KLHDC8B: variants seen among roughly 807,000 people sequenced by gnomAD.
KLHDC8B encodes kelch domain containing 8B.
KLHDC8B carries 19 observed loss-of-function variants against 26.3 expected under a neutral mutation model. That is an observed-to-expected ratio of 0.72 (90% confidence interval 0.50 to 1.06). KLHDC8B has a LOEUF of 1.06. KLHDC8B is among the 50% of genes least tolerant of loss of function. The pLI is 0.00. For synonymous variants in KLHDC8B, 150 were observed against 188.4 expected (o/e 0.80, Z 1.67); for missense variants, 411 against 488.1 (o/e 0.84, Z 1.49).
chr3:49,172,067 A>G (rs755983615), intron 1 of KLHDC8B, among the ~76,000 whole-genome samples: 12 of 152,158 alleles, frequency 7.9e-5, no homozygotes, highest in Non-Finnish European at 1.3e-4. Context: ...GAGAGTGTGG[A>G]ACCCTGGTGT....
At position 49,176,043 on chromosome 3, in the gene KLHDC8B, T is replaced by G; in HGVS notation, c.*242T>G. The stretch of plus-strand genomic sequence containing the variant: ...TCATGAATCATGCCTAGCTCCATCC[T>G]TGCCCTGGGACCTACTAGGCCTTCC... On this transcript the variant is annotated 3_prime_UTR_variant, in exon 6 of 6. Coordinates refer to ENST00000332780, the MANE Select transcript of KLHDC8B (RefSeq NM_173546.3). 7.7e-6 allele frequency: 4 copies of G among 518,832 alleles called. No individual in the cohort carries two copies. The highest frequency in any genetic ancestry group is 1.9e-5 in the African/African-American group (1 of 51,398). 32.1% of individuals were successfully genotyped at this position (518,832 alleles called of 1,614,324 possible).
In KLHDC8B at chr3:49,172,742, G is replaced by A. The variant is rs768753340; in HGVS notation, c.-28G>A. ...GTGAGGCCTACAGTCTGAGCAGACA[G>A]CATGGCCTGCCACTGGCAGTGAACA... On this transcript the variant is annotated 5_prime_UTR_variant, in exon 2 of 6. Coordinates refer to ENST00000332780, the MANE Select transcript of KLHDC8B (RefSeq NM_173546.3). 1 of 1,594,776 alleles carries A rather than the reference G, an allele frequency of 6.3e-7. No individual in the cohort carries two copies. The highest frequency in any genetic ancestry group is 1.7e-5 in the Admixed American group (1 of 59,322).
At position 49,176,104 on chromosome 3, in the gene KLHDC8B, T is replaced by G; in HGVS notation, c.*303T>G. On this transcript the variant is annotated 3_prime_UTR_variant, in exon 6 of 6. Coordinates refer to ENST00000332780, the MANE Select transcript of KLHDC8B (RefSeq NM_173546.3). ...GAAATGGGGAGAAGCAAAGCTGGCC[T>G]CATGCTCTTCAGGGTCAGTTCCTAT... 5.2e-6 allele frequency: 2 copies of G among 382,652 alleles called. No individual in the cohort carries two copies. The highest frequency in any genetic ancestry group is 9.5e-6 in the Non-Finnish European group (2 of 210,690). The allele number at this position is 382,652 out of a possible 1,614,324, so 23.7% of individuals were successfully genotyped here.
intron 2 of KLHDC8B, 25 bp downstream of exon 2, chr3:49,173,170 C>T: frequency 6.5e-7 from 1 of 1,545,196 alleles, no homozygotes; most frequent in Non-Finnish European, 8.7e-7. Flanking sequence ...AAGGAAGGCA[C>T]TTCAGGTACC....
rs970245676 is a variant in KLHDC8B, at chr3:49,176,322, A to T, written c.*521A>T. On this transcript the variant is annotated 3_prime_UTR_variant, in exon 6 of 6. Transcript: ENST00000332780. ...GGAATGCTGGCTTTGAGCCCTCTACACTGCTGGTTGTATGACCTTGGACAA... is the reference window on the plus strand; with the variant it reads ...GGAATGCTGGCTTTGAGCCCTCTACTCTGCTGGTTGTATGACCTTGGACAA... 2 of 155,548 alleles carry T rather than the reference A, an allele frequency of 1.3e-5. No homozygotes were observed. The allele number at this position is 155,548 out of a possible 1,614,324, so 9.6% of individuals were successfully genotyped here. A position where few individuals can be genotyped will look rare whatever the true frequency, so the allele number is the denominator to read the frequency against.
At position 49,172,777 on chromosome 3, in the gene KLHDC8B, C is replaced by T. The variant is rs376554410; in HGVS notation, c.8C>T (p.Ala3Val). 2 of 1,611,690 alleles carry T rather than the reference C, an allele frequency of 1.2e-6. No homozygotes were observed. The highest frequency in any genetic ancestry group is 1.7e-6 in the Non-Finnish European group (2 of 1,178,800). MS[A>V]GGGRAFAWQV... ...CCACTGGCAGTGAACACCATGTCTG[C>T]AGGAGGTGGCCGGGCCTTTGCTTGG... The change falls in exon 2 of 6, where the codon GCA becomes GTA. Residue 3 changes from alanine to valine, a missense_variant. Coordinates refer to ENST00000332780, the MANE Select transcript of KLHDC8B (RefSeq NM_173546.3).
chr3:49,171,649 C>T lies in KLHDC8B; in HGVS notation c.-171C>T, dbSNP rs963865413. On this transcript the variant is annotated 5_prime_UTR_variant, in exon 1 of 6. Coordinates refer to ENST00000332780, the MANE Select transcript of KLHDC8B (RefSeq NM_173546.3). The stretch of plus-strand genomic sequence containing the variant: ...TCCCGCGTCAACGGAGGCGGAACGG[C>T]GGACCCCGTACCCTGGCAGCATCGG... The T allele has an allele frequency of 6.6e-6, 1 of 152,520 alleles. No individual in the cohort carries two copies. The highest frequency in any genetic ancestry group is 1.5e-5 in the Non-Finnish European group (1 of 68,170). The allele number at this position is 152,520 out of a possible 1,614,324, so 9.4% of individuals were successfully genotyped here.
At chr3:49,173,853 C>T (rs1441908327) in intron 2 of KLHDC8B, among the ~76,000 whole-genome samples, 4 of 152,160 alleles carry the variant, frequency 2.6e-5, no homozygotes. Flanking sequence ...TAAGCAGATC[C>T]CCATGTTTCT....
At position 49,175,715 on chromosome 3, in the gene KLHDC8B, G is replaced by A; in HGVS notation, c.979G>A (p.Ala327Thr). The A allele has an allele frequency of 6.2e-7, 1 of 1,613,946 alleles. No individual in the cohort carries two copies. The highest frequency in any genetic ancestry group is 8.5e-7 in the Non-Finnish European group (1 of 1,179,968). Residue 327 changes from alanine to threonine, a missense_variant, in exon 6 of 6, where the codon GCT becomes ACT. Ala to Thr is a moderately conservative substitution (Grantham distance 58). Coordinates refer to ENST00000332780, the MANE Select transcript of KLHDC8B (RefSeq NM_173546.3). ...TARCSCSSLQ[A>T]GPRLFVIGGV... ...CCGCTGCTCCTGCTCTAGTCTGCAG[G>A]CTGGGCCCCGGCTGTTTGTTATTGG...
In KLHDC8B at chr3:49,174,877, G is replaced by T. The variant is rs1437416167; in HGVS notation, c.677G>T (p.Ser226Ile). The T allele has an allele frequency of 6.2e-7, 1 of 1,614,178 alleles. No homozygotes were observed. The highest frequency in any genetic ancestry group is 8.5e-7 in the Non-Finnish European group (1 of 1,180,050). The change falls in exon 4 of 6, where the codon AGC becomes ATC. Residue 226 changes from serine (S) to isoleucine (I), a missense_variant. Coordinates refer to ENST00000332780, the MANE Select transcript of KLHDC8B (RefSeq NM_173546.3). ...GCAMAEGSVF[S>I]LGGLQQPGPH... is the part of the protein sequence containing the mutation. ...GCCATGGCTGAAGGCAGCGTCTTTAGCCTGGGTGGCCTGCAGCAGCCTGGG... is the reference window on the plus strand; with the variant it reads ...GCCATGGCTGAAGGCAGCGTCTTTATCCTGGGTGGCCTGCAGCAGCCTGGG...
chr3:49,173,606 A>G (rs1352235186), intron 2 of KLHDC8B, among the ~76,000 whole-genome samples: 6 of 152,198 alleles, frequency 3.9e-5, no homozygotes, highest in Non-Finnish European at 5.9e-5. Context: ...GGAAGCCCCC[A>G]GCTGACTGGC....
chr3:49,175,804 G>T lies in KLHDC8B; in HGVS notation c.*3G>T, dbSNP rs777531678. ...TGTGTCTGCGTGATGGGGTCTGAAG[G>T]CTTGGTGGGAGCTGTCCACTGGAGC... On this transcript the variant is annotated 3_prime_UTR_variant, in exon 6 of 6. Transcript: ENST00000332780. 2 of 1,613,794 alleles carry T rather than the reference G, an allele frequency of 1.2e-6. No individual in the cohort carries two copies. The highest frequency in any genetic ancestry group is 1.7e-6 in the Non-Finnish European group (2 of 1,179,950).
chr3:49,175,584 C>A, intron 5 of KLHDC8B, 21 bp from the exon 6 acceptor site: 1 of 1,523,874 alleles, frequency 6.6e-7, no homozygotes, highest in East Asian at 2.3e-5. Flanking sequence ...CCTCTCACAG[C>A]CTTCTCTCTC....
In KLHDC8B at chr3:49,172,825, C is replaced by A. The variant is rs879081295; in HGVS notation, c.56C>A (p.Thr19Asn). The A allele has an allele frequency of 1.2e-6, 2 of 1,614,128 alleles. No individual in the cohort carries two copies. The highest frequency in any genetic ancestry group is 2.2e-5 in the South Asian group (2 of 91,084). ...TGGCAAGTGTTCCCCCCCATGCCCACTTGCCGGGTCTATGGCACAGTGGCA... is the reference window on the plus strand; with the variant it reads ...TGGCAAGTGTTCCCCCCCATGCCCAATTGCCGGGTCTATGGCACAGTGGCA... ...FAWQVFPPMP[T>N]CRVYGTVAHQ... The change falls in exon 2 of 6, where the codon ACT becomes AAT. Residue 19 changes from threonine (T) to asparagine (N), a missense_variant. By Grantham distance (65) the Thr-to-Asn change is moderately conservative (BLOSUM62 0). Coordinates refer to ENST00000332780, the MANE Select transcript of KLHDC8B (RefSeq NM_173546.3).
At chr3:49,172,093 G>C (rs1468571558) in intron 1 of KLHDC8B, among the ~76,000 whole-genome samples, 1 of 152,176 alleles carries the variant, frequency 6.6e-6, no homozygotes, top group East Asian at 1.9e-4. Context: ...CCTCCCCCTA[G>C]TCTGAAACAC....
Position 49,174,870 on chromosome 3 carries a change from G to T in KLHDC8B, c.670G>T (p.Val224Phe). 6.2e-7 allele frequency: 1 copy of T among 1,614,160 alleles called. No homozygotes were observed. The highest frequency in any genetic ancestry group is 8.5e-7 in the Non-Finnish European group (1 of 1,180,044). ...FAGCAMAEGS[V>F]FSLGGLQQPG... The stretch of plus-strand genomic sequence containing the variant: ...TGGCTGCGCCATGGCTGAAGGCAGC[G>T]TCTTTAGCCTGGGTGGCCTGCAGCA... The change falls in exon 4 of 6, where the codon GTC (valine) becomes TTC (phenylalanine). Residue 224 changes from valine to phenylalanine, a missense_variant. Transcript: ENST00000332780.
intron 2 of KLHDC8B, 41 bp downstream of exon 2, chr3:49,173,186 A>T: frequency 6.6e-7 from 1 of 1,515,326 alleles, no homozygotes; most frequent in Non-Finnish European, 8.9e-7. Context: ...GTACCCTAAC[A>T]CCTTTTATTA....
Position 49,174,978 on chromosome 3 carries a change from C to G in KLHDC8B, c.766+12C>G. 1 of 1,613,944 alleles carries G rather than the reference C, an allele frequency of 6.2e-7. No individual in the cohort carries two copies. Among genetic ancestry groups the G allele is most frequent in the Non-Finnish European group, 8.5e-7 (1 of 1,180,024 alleles). ...TGACCTGGAGCATGGTGAGCAGTGGCTGTTCTGGGCTGTCCTCCCGCTCTC... is the reference window on the plus strand; with the variant it reads ...TGACCTGGAGCATGGTGAGCAGTGGGTGTTCTGGGCTGTCCTCCCGCTCTC... On this transcript the variant is annotated intron_variant, in intron 4 of 5. Transcript: ENST00000332780.
chr3:49,175,727 CTGTT>C lies in KLHDC8B; in HGVS notation c.996_999del (p.Phe332LeufsTer57), dbSNP rs1485406313. The C allele has an allele frequency of 1.2e-6, 2 of 1,613,958 alleles. No individual in the cohort carries two copies. The highest frequency in any genetic ancestry group is 1.7e-5 in the Admixed American group (1 of 60,002). Reference sequence around the variant, plus strand: ...CTCTAGTCTGCAGGCTGGGCCCCGGCTGTTTGTTATTGGGGGTGTGGCCCAGGGC... The same window carrying C: ...CTCTAGTCTGCAGGCTGGGCCCCGGCTGTTATTGGGGGTGTGGCCCAGGGC... On this transcript the variant is annotated frameshift_variant, in exon 6 of 6. Coordinates refer to ENST00000332780, the MANE Select transcript of KLHDC8B (RefSeq NM_173546.3). LOFTEE classifies it high-confidence loss of function.
Sources: allele counts gnomAD v4.1 joint callset (sites outside exome capture counted in the v4.1 genomes callset), GRCh38; gene constraint gnomAD v4.1.1; transcripts MANE v1.5; gene names NCBI Gene and HGNC (gene_info 2026-07-23, HGNC 2026-07-21).